The following RGS22 variants were observed in gnomAD, a reference collection of about 807,000 sequenced individuals.
RGS22 encodes the protein regulator of G-protein signaling 22.
A neutral mutation model predicts 172.9 loss-of-function variants in RGS22; 148 were observed. The observed-to-expected ratio is 0.86, with a 90% CI of 0.75 to 0.98. The LOEUF (loss-of-function observed/expected upper bound fraction) is 0.98. Ranked by LOEUF, RGS22 falls within the 50% of genes least tolerant of loss-of-function variation. The pLI is 0.00. For missense variants in RGS22, 1,347 were observed against 1,440.8 expected, an observed-to-expected ratio of 0.93 and a Z score of 1.05; for synonymous variants, 458 against 480.2, an observed-to-expected ratio of 0.95 and a Z score of 0.60.
intron 6 of RGS22, among the ~76,000 whole-genome samples, chr8:100,066,620 G>A (rs2131815590): frequency 6.6e-6 from 1 of 152,130 alleles, no homozygotes; most frequent in African/African-American, 2.4e-5. Flanking sequence ...TACAATCCTG[G>A]TGATGGGCAG....
intron 14 of RGS22, 105 bp from the exon 15 acceptor site, chr8:100,008,674 G>A (rs1256660222): frequency 1.3e-6 from 1 of 751,668 alleles, no homozygotes; most frequent in Non-Finnish European, 2.1e-6. Flanking sequence ...AGGCAAATAA[G>A]CCCACGTGAT....
intron 14 of RGS22, among the ~76,000 whole-genome samples, chr8:100,010,604 T>C (rs1219849675): frequency 6.6e-6 from 1 of 152,244 alleles, no homozygotes; most frequent in East Asian, 1.9e-4. Context: ...TATGTATTTA[T>C]GTGTCTTCTC....
intron 19 of RGS22, among the ~76,000 whole-genome samples, chr8:99,996,790 C>G (rs1166426769): frequency 6.6e-6 from 1 of 152,156 alleles, no homozygotes; most frequent in Non-Finnish European, 1.5e-5. Context: ...TTCACTTGAG[C>G]TCACATGGGA....
At chr8:100,092,848 A>G (rs888147655) in intron 3 of RGS22, among the ~76,000 whole-genome samples, 7 of 152,222 alleles carry the variant, frequency 4.6e-5, no homozygotes, top group African/African-American at 1.7e-4. Flanking sequence ...TGTTACACCA[A>G]TGACAGTGTG....
intron 21 of RGS22, among the ~76,000 whole-genome samples, chr8:99,986,350 T>C (rs557782628): frequency 9.8e-5 from 15 of 152,344 alleles, no homozygotes; most frequent in Admixed American, 8.5e-4. Context: ...ATAAATTTTA[T>C]TGAGCAACTA....
chr8:100,054,248 A>C (rs1218629398), intron 9 of RGS22: 1 of 152,252 alleles, frequency 6.6e-6, no homozygotes, highest in Non-Finnish European at 1.5e-5. Context: ...CAGCCCAAAG[A>C]CTAATTCTTA....
At chr8:99,985,591 C>CTTTTTACGCCTACAA in intron 21 of RGS22, among the ~76,000 whole-genome samples, 2 of 152,244 alleles carry the variant, frequency 1.3e-5, no homozygotes, top group Middle Eastern at 3.4e-3. Context: ...TTGTATTCAC[C>CTTTTTACGCCTACAA]TTTTTACGCC....
At chr8:100,097,579 A>G (rs143701787) in intron 2 of RGS22, among the ~76,000 whole-genome samples, 68 of 152,318 alleles carry the variant, frequency 4.5e-4, no homozygotes, top group African/African-American at 1.5e-3. Flanking sequence ...TCCTAGTAAA[A>G]TGTTTGGAGG....
intron 6 of RGS22, among the ~76,000 whole-genome samples, chr8:100,070,935 G>T (rs1237845805): frequency 2.6e-5 from 4 of 151,220 alleles, no homozygotes. Context: ...TGCTAAATCT[G>T]CTTTACATGT....
intron 2 of RGS22, among the ~76,000 whole-genome samples, chr8:100,094,113 A>T (rs145401456): frequency 6.6e-6 from 1 of 152,312 alleles, no homozygotes; most frequent in East Asian, 1.9e-4. Flanking sequence ...TTTTTTCCAT[A>T]ACTATCTCAT....
intron 10 of RGS22, 75 bp downstream of exon 10, chr8:100,052,727 T>G: frequency 7.9e-7 from 1 of 1,273,626 alleles, no homozygotes; most frequent in South Asian, 1.4e-5. Context: ...ATGAAAATTA[T>G]CAGTGCACAA....
chr8:100,050,970 A>C (rs1399050516), intron 10 of RGS22: 2 of 152,184 alleles, frequency 1.3e-5, no homozygotes, highest in East Asian at 3.8e-4. Context: ...ATGGTAATAA[A>C]TATAGTAAAG....
At chr8:100,064,490 GA>G (rs138948933) in intron 7 of RGS22, among the ~76,000 whole-genome samples, 3,372 of 150,966 alleles carry the variant, frequency 0.022, 134 homozygotes, top group African/African-American at 0.076. Flanking sequence ...AAACAAAAAA[GA>G]AAAAAAAGAA....
At chr8:100,093,278 A>T (rs535088278) in intron 3 of RGS22, 169 bp downstream of exon 3, 4 of 503,362 alleles carry the variant, frequency 7.9e-6, no homozygotes, top group Non-Finnish European at 1.4e-5. Flanking sequence ...TCTAAATATG[A>T]TTCAAATCCA....
intron 19 of RGS22, 133 bp from the exon 20 acceptor site, chr8:99,996,663 A>T: frequency 1.3e-6 from 1 of 764,288 alleles, no homozygotes; most frequent in Non-Finnish European, 2.1e-6. Context: ...GAGAAAGAGG[A>T]TCAAACTTAA....
chr8:100,105,491 G>A (rs1418807906), intron 1 of RGS22, 89 bp from the exon 2 acceptor site: 4 of 1,067,936 alleles, frequency 3.7e-6, no homozygotes, highest in South Asian at 1.3e-5. Context: ...CTAGCCCTAC[G>A]TTATACACAG....
intron 2 of RGS22, among the ~76,000 whole-genome samples, chr8:100,095,404 G>A (rs540694839): frequency 5.7e-4 from 87 of 152,112 alleles, no homozygotes; most frequent in Non-Finnish European, 7.6e-4. Flanking sequence ...GGCTGGTCTC[G>A]AACTCCTAGC....
intron 3 of RGS22, 138 bp from the exon 4 acceptor site, chr8:100,080,493 G>T: frequency 1.5e-6 from 1 of 667,682 alleles, no homozygotes; most frequent in Non-Finnish European, 2.5e-6. Flanking sequence ...TTCCTTTTTA[G>T]GAGCTAGGAA....
In RGS22 at chr8:100,078,149, T is replaced by G. The variant is rs188069164; in HGVS notation, c.339+1985A>C. Among the ~76,000 whole-genome samples the G allele has an allele frequency of 2.2e-3, 340 of 152,270 alleles. 2 individuals carry two copies. The highest frequency in any genetic ancestry group is 7.8e-3 in the African/African-American group (325 of 41,546). On this transcript the variant is annotated intron_variant, in intron 4 of 27. Transcript: ENST00000360863. ...TAGTTTCTTGTAGACAGCAAATAAT[T>G]GGGATTTTTTTAAAAAATCATCCCT...
Sources: allele counts gnomAD v4.1 joint callset (sites outside exome capture counted in the v4.1 genomes callset), GRCh38; gene constraint gnomAD v4.1.1; transcripts MANE v1.5; gene names NCBI Gene and HGNC (gene_info 2026-07-23, HGNC 2026-07-21).